ANXA10: variants seen among roughly 807,000 people sequenced by gnomAD.
ANXA10 encodes the protein annexin A10.
In ANXA10, 49 loss-of-function variants were observed where a neutral mutation model predicts 53.5. The observed-to-expected ratio is 0.92, with a 90% CI of 0.73 to 1.16. The LOEUF is 1.16. Among genes scored for constraint, ANXA10 ranks in the 50% most tolerant of loss-of-function variants. The pLI, the probability that ANXA10 is intolerant of heterozygous loss-of-function variation, is 0.00. For missense variants in ANXA10, 393 were observed against 394.4 expected (o/e 1.00, Z 0.03); for synonymous variants, 131 against 128.9 (o/e 1.02, Z -0.11).
At chr4:168,152,781 A>G (rs1197169645) in intron 3 of ANXA10, among the ~76,000 whole-genome samples, 1 of 148,766 alleles carries the variant, frequency 6.7e-6, no homozygotes, top group Non-Finnish European at 1.5e-5. Flanking sequence ...TAAATAAAAT[A>G]TAACTCATAG....
chr4:168,186,820 A>G (rs1289842656), intron 11 of ANXA10, among the ~76,000 whole-genome samples: 1 of 152,106 alleles, frequency 6.6e-6, no homozygotes, highest in East Asian at 1.9e-4. Context: ...AAAGTACACA[A>G]ACTACCTCAC....
At chr4:168,096,926 A>ATATATATATATG (rs371811709) in intron 1 of ANXA10, among the ~76,000 whole-genome samples, 27 of 129,896 alleles carry the variant, frequency 2.1e-4, no homozygotes, top group African/African-American at 3.9e-4. Flanking sequence ...ATATATATAT[A>ATATATATATATG]TATGTATGTA....
chr4:168,182,681 T>A (rs1732278113), intron 10 of ANXA10, among the ~76,000 whole-genome samples: 1 of 147,352 alleles, frequency 6.8e-6, no homozygotes, highest in Non-Finnish European at 1.5e-5. Context: ...CATCATCACA[T>A]AATGCACTCC....
chr4:168,176,020 T>C (rs1411654267), intron 6 of ANXA10, among the ~76,000 whole-genome samples: 2 of 152,158 alleles, frequency 1.3e-5, no homozygotes, highest in Non-Finnish European at 2.9e-5. Flanking sequence ...CATACTTTTA[T>C]TGGGTTAAGT....
chr4:168,104,674 A>C (rs1730691089), intron 1 of ANXA10, among the ~76,000 whole-genome samples: 1 of 151,986 alleles, frequency 6.6e-6, no homozygotes, highest in African/African-American at 2.4e-5. Flanking sequence ...AATCATTCAT[A>C]GCATTCCTTT....
chr4:168,137,842 A>G (rs1346780868), intron 2 of ANXA10, among the ~76,000 whole-genome samples: 1 of 152,124 alleles, frequency 6.6e-6, no homozygotes, highest in African/African-American at 2.4e-5. Flanking sequence ...TTCTATTTTT[A>G]GTTCTTTGAG....
rs139293094 is a variant in ANXA10, at chr4:168,137,224, G to A, written c.101-2262G>A. ...TTTAGTGGAGTAAGAGCTGATTGAA[G>A]AGACATTATATTTTCTTCACTCCCC... On this transcript the variant is annotated intron_variant, in intron 2 of 11. Coordinates refer to ENST00000359299, the MANE Select transcript of ANXA10 (RefSeq NM_007193.5). 2.7e-3 allele frequency among the ~76,000 whole-genome samples: 406 copies of A among 152,298 alleles called. 2 individuals are homozygous for A. The highest frequency in any genetic ancestry group is 0.01 in the Middle Eastern group (3 of 294).
At chr4:168,130,888 T>C (rs934730746) in intron 2 of ANXA10, among the ~76,000 whole-genome samples, 3 of 151,626 alleles carry the variant, frequency 2.0e-5, no homozygotes, top group African/African-American at 7.3e-5. Context: ...TTCTCTCTCT[T>C]TCCTTAACCT....
At chr4:168,157,424 C>T (rs1416899359) in intron 3 of ANXA10, among the ~76,000 whole-genome samples, 2 of 152,050 alleles carry the variant, frequency 1.3e-5, no homozygotes, top group East Asian at 1.9e-4. Context: ...CCTGCCACCA[C>T]CCCTGGCTAA....
At chr4:168,134,783 C>G (rs1276603483) in intron 2 of ANXA10, among the ~76,000 whole-genome samples, 1 of 152,128 alleles carries the variant, frequency 6.6e-6, no homozygotes, top group African/African-American at 2.4e-5. Flanking sequence ...TTCCTCCCTC[C>G]CTGTTACAGC....
Position 168,181,433 on chromosome 4 carries a change from G to A in ANXA10, c.725-250G>A, listed in dbSNP as rs553756789. ...GAAGATGATAAAGTTTTCTTCATTA[G>A]GCTACATGAAGGAACTAACAAGAGT... is the stretch of plus-strand genomic sequence containing the variant. On this transcript the variant is annotated intron_variant, in intron 9 of 11. Transcript: ENST00000359299. 4.4e-3 allele frequency among the ~76,000 whole-genome samples: 662 copies of A among 150,720 alleles called. 3 individuals are homozygous for A. Among genetic ancestry groups the A allele is most frequent in the African/African-American group, 0.015 (606 of 41,116 alleles).
At chr4:168,121,836 G>GT (rs1730990403) in intron 1 of ANXA10, among the ~76,000 whole-genome samples, 1 of 151,682 alleles carries the variant, frequency 6.6e-6, no homozygotes, top group South Asian at 2.1e-4. Context: ...GTTTGGTTTT[G>GT]TTTTTTGTTT....
chr4:168,177,642 G>C, intron 6 of ANXA10, 98 bp from the exon 7 acceptor site: 3 of 1,205,910 alleles, frequency 2.5e-6, no homozygotes, highest in Non-Finnish European at 3.7e-6. Flanking sequence ...AGTTCCTTAG[G>C]AACAATCAGA....
intron 10 of ANXA10, among the ~76,000 whole-genome samples, chr4:168,182,579 C>A (rs1194340174): frequency 6.7e-6 from 1 of 149,300 alleles, no homozygotes; most frequent in African/African-American, 2.5e-5. Flanking sequence ...GTGATCCGCC[C>A]GCCTCGGCCT....
intron 2 of ANXA10, among the ~76,000 whole-genome samples, chr4:168,132,872 A>G (rs987775480): frequency 6.6e-6 from 1 of 152,114 alleles, no homozygotes; most frequent in Non-Finnish European, 1.5e-5. Context: ...GTCGATTCTC[A>G]TTATTCACAA....
At chr4:168,182,173 G>T (rs928652769) in intron 10 of ANXA10, among the ~76,000 whole-genome samples, 5 of 152,008 alleles carry the variant, frequency 3.3e-5, no homozygotes, top group African/African-American at 1.2e-4. Context: ...TATGTCAATG[G>T]ATATTTTTGA....
At chr4:168,156,372 A>G (rs1191485122) in intron 3 of ANXA10, among the ~76,000 whole-genome samples, 1 of 13,718 alleles carries the variant, frequency 7.3e-5, no homozygotes, top group Non-Finnish European at 1.7e-4. Flanking sequence ...TATAGTATAT[A>G]TAATATAATT....
At chr4:168,118,396 T>A (rs904023919) in intron 1 of ANXA10, among the ~76,000 whole-genome samples, 2 of 152,204 alleles carry the variant, frequency 1.3e-5, no homozygotes, top group African/African-American at 2.4e-5. Flanking sequence ...GGGAGGAAGC[T>A]ATTGTAACTC....
chr4:168,122,548 A>C (rs923483815), intron 1 of ANXA10, among the ~76,000 whole-genome samples: 4 of 152,202 alleles, frequency 2.6e-5, no homozygotes, highest in African/African-American at 9.7e-5. Flanking sequence ...TGAGTAATTT[A>C]TAAGGAAAAG....
Sources: allele counts gnomAD v4.1 joint callset (sites outside exome capture counted in the v4.1 genomes callset), GRCh38; gene constraint gnomAD v4.1.1; transcripts MANE v1.5; gene names NCBI Gene and HGNC (gene_info 2026-07-23, HGNC 2026-07-21).